NAV2: variants seen among roughly 807,000 people sequenced by gnomAD.
NAV2 encodes helicase, APC down-regulated 1.
In NAV2, 54 loss-of-function variants were observed where a neutral mutation model predicts 223.2. That is an observed-to-expected ratio of 0.24 (90% CI 0.19 to 0.30). The LOEUF (loss-of-function observed/expected upper bound fraction) is 0.30. NAV2 is among the 10% of genes least tolerant of loss of function. The pLI, the probability that NAV2 is intolerant of heterozygous loss-of-function variation, is 1.00. For missense variants in NAV2, 2,806 were observed against 3,147.5 expected (o/e 0.89, Z 2.60); for synonymous variants, 1,279 against 1,239.3 (o/e 1.03, Z -0.67).
intron 1 of NAV2, among the ~76,000 whole-genome samples, chr11:19,589,183 A>G (rs758785169): frequency 4.6e-5 from 7 of 152,232 alleles, no homozygotes; most frequent in Non-Finnish European, 7.3e-5. Flanking sequence ...ATATGGTTAC[A>G]AAACAGTTTA....
At chr11:19,666,882 G>T (rs891846307) in intron 1 of NAV2, among the ~76,000 whole-genome samples, 1 of 152,082 alleles carries the variant, frequency 6.6e-6, no homozygotes, top group Non-Finnish European at 1.5e-5. Flanking sequence ...AATTTCTGGG[G>T]GTAAGGCTCT....
chr11:19,633,538 C>T (rs1160638343), intron 1 of NAV2, among the ~76,000 whole-genome samples: 2 of 152,258 alleles, frequency 1.3e-5, no homozygotes, highest in South Asian at 4.1e-4. Context: ...GGGAACCTGA[C>T]CCAACAGCCC....
At position 19,897,886 on chromosome 11, in the gene NAV2, T is replaced by TTATATATATATATATATATATA. The variant is rs10524489; in HGVS notation, c.931+5311_931+5312insATATATATATATATATATATAT. Among the ~76,000 whole-genome samples, 104 of 120,652 alleles carry TTATATATATATATATATATATA rather than the reference T, an allele frequency of 8.6e-4. 8 individuals carry two copies. Among genetic ancestry groups the TTATATATATATATATATATATA allele is most frequent in the East Asian group, 3.8e-3 (11 of 2,918 alleles). 79.2% of individuals were successfully genotyped at this position (120,652 alleles called of 152,430 possible). ...GCCACAGCTGTGCCTGACCTGTGATTTATATATATATATATATATGTGAGC... is the reference window on the plus strand; with the variant it reads ...GCCACAGCTGTGCCTGACCTGTGATTTATATATATATATATATATATATATATATATATATATATATGTGAGC... On this transcript the variant is annotated intron_variant, in intron 6 of 37. Transcript: ENST00000349880.
chr11:19,950,072 A>G (rs1173805751), intron 10 of NAV2, among the ~76,000 whole-genome samples: 1 of 152,140 alleles, frequency 6.6e-6, no homozygotes, highest in Non-Finnish European at 1.5e-5. Context: ...GAGTTATTTC[A>G]CTTGCCTGGG....
At chr11:20,038,498 A>G (rs560101582) in intron 12 of NAV2, among the ~76,000 whole-genome samples, 3 of 152,340 alleles carry the variant, frequency 2.0e-5, no homozygotes, top group South Asian at 4.1e-4. Flanking sequence ...GTTCCTGTCC[A>G]GGGAGCATCT....
At chr11:20,087,106 C>T (rs984368138) in intron 26 of NAV2, among the ~76,000 whole-genome samples, 29 of 152,218 alleles carry the variant, frequency 1.9e-4, no homozygotes, top group African/African-American at 6.5e-4. Flanking sequence ...TTACAGCTGC[C>T]GGCCAGCAAG....
chr11:19,482,711 G>A (rs939784908), intron 1 of NAV2, among the ~76,000 whole-genome samples: 13 of 152,266 alleles, frequency 8.5e-5, no homozygotes, highest in Non-Finnish European at 1.6e-4. Context: ...GATGGGCAGT[G>A]GCATGGAGGA....
intron 1 of NAV2, among the ~76,000 whole-genome samples, chr11:19,410,088 T>A (rs1448724413): frequency 6.6e-6 from 1 of 152,136 alleles, no homozygotes; most frequent in African/African-American, 2.4e-5. Context: ...GTGGAGCTGC[T>A]TTTCCACCCT....
chr11:19,544,761 G>T (rs2044443067), intron 1 of NAV2, among the ~76,000 whole-genome samples: 1 of 152,326 alleles, frequency 6.6e-6, no homozygotes, highest in African/African-American at 2.4e-5. Flanking sequence ...ACGAGCCCCA[G>T]CTTTGGAGCC....
At chr11:20,025,242 CT>C (rs1281426976) in intron 11 of NAV2, among the ~76,000 whole-genome samples, 1 of 152,174 alleles carries the variant, frequency 6.6e-6, no homozygotes, top group Non-Finnish European at 1.5e-5. Context: ...TGGGATGGTG[CT>C]TAGCATGGTA....
chr11:19,719,350 G>T (rs1382620208), intron 1 of NAV2, among the ~76,000 whole-genome samples: 2 of 152,206 alleles, frequency 1.3e-5, no homozygotes, highest in Non-Finnish European at 2.9e-5. Context: ...GAGGCCAAGG[G>T]AGGTTATCAC....
At chr11:19,379,165 G>T (rs1848748618) in intron 1 of NAV2, among the ~76,000 whole-genome samples, 1 of 152,172 alleles carries the variant, frequency 6.6e-6, no homozygotes, top group Admixed American at 6.5e-5. Context: ...GATCCACGGG[G>T]CTGGTGGTGA....
At chr11:19,475,673 C>T (rs2042092742) in intron 1 of NAV2, among the ~76,000 whole-genome samples, 3 of 152,178 alleles carry the variant, frequency 2.0e-5, no homozygotes, top group Non-Finnish European at 4.4e-5. Flanking sequence ...CCTGGTTCTG[C>T]CTACCACTGC....
At chr11:19,969,040 C>T (rs1488325832) in intron 10 of NAV2, among the ~76,000 whole-genome samples, 4 of 152,202 alleles carry the variant, frequency 2.6e-5, no homozygotes, top group East Asian at 1.9e-4. Flanking sequence ...CAGGGAGAAA[C>T]GTGCTCATCC....
chr11:19,768,877 G>A (rs1242152981), intron 1 of NAV2, among the ~76,000 whole-genome samples: 1 of 152,184 alleles, frequency 6.6e-6, no homozygotes, highest in African/African-American at 2.4e-5. Flanking sequence ...CTTAGATAGT[G>A]CCTAGGACTT....
At chr11:19,467,010 C>CACACACACACAG (rs1564959991) in intron 1 of NAV2, among the ~76,000 whole-genome samples, 2 of 135,896 alleles carry the variant, frequency 1.5e-5, no homozygotes, top group African/African-American at 5.3e-5. Flanking sequence ...CACACACACA[C>CACACACACACAG]ACACACACAG....
At chr11:19,728,964 T>A (rs1430907645) in intron 1 of NAV2, among the ~76,000 whole-genome samples, 1 of 152,196 alleles carries the variant, frequency 6.6e-6, no homozygotes, top group Non-Finnish European at 1.5e-5. Context: ...CACCCCTTCC[T>A]TCATGACAGT....
chr11:20,016,570 T>C (rs1486256120), intron 11 of NAV2, among the ~76,000 whole-genome samples: 5 of 152,214 alleles, frequency 3.3e-5, no homozygotes, highest in African/African-American at 1.2e-4. Flanking sequence ...CATTCTGTTT[T>C]TGTAATATAA....
intron 1 of NAV2, among the ~76,000 whole-genome samples, chr11:19,372,958 TGCAGAA>T (rs1848521767): frequency 6.6e-6 from 1 of 152,254 alleles, no homozygotes; most frequent in Non-Finnish European, 1.5e-5. Flanking sequence ...TTTTAAATCC[TGCAGAA>T]CTTTATTCTC....
Sources: gnomAD v4.1 joint callset for allele counts (sites outside exome capture counted in the v4.1 genomes callset) on GRCh38, gnomAD v4.1.1 for gene constraint, MANE v1.5 for transcripts, NCBI Gene and HGNC (gene_info 2026-07-23, HGNC 2026-07-21) for gene names.